The following ZNF616 variants were observed in gnomAD, a reference collection of about 807,000 sequenced individuals.
The protein encoded by ZNF616 is zinc finger protein 616.
A neutral mutation model predicts 7.6 loss-of-function variants in ZNF616; 5 were observed. The ratio of observed to expected loss-of-function variants is 0.66; its 90% CI spans 0.34 to 1.38. ZNF616 has a LOEUF of 1.38. Among genes scored for constraint, ZNF616 ranks in the 40% most tolerant of loss-of-function variants. The pLI is 0.04. For synonymous variants in ZNF616, 319 were observed against 317.2 expected (o/e 1.01, Z -0.06); for missense variants, 913 against 948.3 (o/e 0.96, Z 0.49).
rs1486058017 is a variant in ZNF616 at position 52,113,971 on chromosome 19, T to C, written c.*847A>G. Reference sequence around the variant, plus strand: ...TACTCTTTCCATTTTGATGTTCGGGTAAAAACCTTAGCATGCACATTACAT... The same window carrying C: ...TACTCTTTCCATTTTGATGTTCGGGCAAAAACCTTAGCATGCACATTACAT... On this transcript the variant is annotated 3_prime_UTR_variant, in exon 4 of 4. Coordinates refer to ENST00000600228, the MANE Select transcript of ZNF616 (RefSeq NM_178523.5). 6.6e-6 allele frequency: 1 copy of C among 152,174 alleles called. No individual in the cohort carries two copies. Among genetic ancestry groups the C allele is most frequent in the Non-Finnish European group, 1.5e-5 (1 of 68,032 alleles). 9.4% of individuals were successfully genotyped at this position (152,174 alleles called of 1,614,324 possible). A position where few individuals can be genotyped will look rare whatever the true frequency, so the allele number is the denominator to read the frequency against.
Position 52,123,917 on chromosome 19 carries a change from A to C in ZNF616, c.139+6T>G. 6.2e-7 allele frequency: 1 copy of C among 1,613,652 alleles called. No homozygotes were observed. Among genetic ancestry groups the C allele is most frequent in the African/African-American group, 1.3e-5 (1 of 75,032 alleles). On this transcript the variant is annotated splice_donor_region_variant and intron_variant, in intron 3 of 3. Coordinates refer to ENST00000600228, the MANE Select transcript of ZNF616 (RefSeq NM_178523.5). ...ATCTGAACTTCTAGAAGGAAATTAT[A>C]CTCACCTAGGAAGACCAGGTTCCTA...
At chr19:52,131,600 C>T (rs1442055484) in intron 1 of ZNF616, among the ~76,000 whole-genome samples, 3 of 152,152 alleles carry the variant, frequency 2.0e-5, no homozygotes, top group Non-Finnish European at 4.4e-5. Context: ...TCAGACAACA[C>T]CTCATTCTTA....
intron 2 of ZNF616, among the ~76,000 whole-genome samples, chr19:52,127,285 C>A (rs1008109691): frequency 3.9e-5 from 6 of 152,178 alleles, no homozygotes; most frequent in African/African-American, 7.2e-5. Flanking sequence ...GAACTCCTGA[C>A]CTCAGGTGAT....
chr19:52,125,842 G>A (rs8107997), intron 2 of ZNF616, among the ~76,000 whole-genome samples: 3,061 of 152,226 alleles, frequency 0.02, 113 homozygotes, highest in African/African-American at 0.07. Context: ...GACGTAAACC[G>A]GTGTCTGCAA....
chr19:52,116,212 C>CTGA lies in ZNF616; in HGVS notation c.951_952insTCA (p.Thr317_Val318insSer). ...TTGAAGGGTCTCTCTCCAGTATGAACTGTCTGATGAAGTCTAAGATGGACA... is the reference window on the plus strand; with the variant it reads ...TTGAAGGGTCTCTCTCCAGTATGAACTGATGTCTGATGAAGTCTAAGATGGACA... On this transcript the variant is annotated inframe_insertion, in exon 4 of 4. Transcript: ENST00000600228. 6.2e-7 allele frequency: 1 copy of CTGA among 1,613,984 alleles called. No individual in the cohort carries two copies. The highest frequency in any genetic ancestry group is 8.5e-7 in the Non-Finnish European group (1 of 1,179,990).
intron 2 of ZNF616, among the ~76,000 whole-genome samples, chr19:52,127,789 T>C (rs1160546278): frequency 6.6e-6 from 1 of 152,180 alleles, no homozygotes; most frequent in Non-Finnish European, 1.5e-5. Flanking sequence ...CATTTAGAGA[T>C]TGTTCCAAAG....
chr19:52,122,866 C>T (rs974362649), intron 3 of ZNF616, among the ~76,000 whole-genome samples: 3 of 152,020 alleles, frequency 2.0e-5, no homozygotes, highest in Non-Finnish European at 4.4e-5. Flanking sequence ...GATCTCCTGA[C>T]CTCGTGATCC....
chr19:52,131,200 G>A (rs955932349), intron 1 of ZNF616, among the ~76,000 whole-genome samples: 2 of 149,962 alleles, frequency 1.3e-5, no homozygotes, highest in African/African-American at 2.5e-5. Context: ...CCTGGGAGGC[G>A]GAGGTTGCAG....
intron 3 of ZNF616, among the ~76,000 whole-genome samples, chr19:52,122,779 C>T (rs536185756): frequency 2.0e-5 from 3 of 151,822 alleles, no homozygotes; most frequent in South Asian, 4.2e-4. Context: ...GGACTACAGG[C>T]GCCCACCGCC....
At chr19:52,131,737 G>A (rs977979253) in intron 1 of ZNF616, among the ~76,000 whole-genome samples, 3 of 152,206 alleles carry the variant, frequency 2.0e-5, no homozygotes, top group African/African-American at 7.2e-5. Context: ...TCTTTGGGTT[G>A]CCATTTTCCC....
At chr19:52,131,073 G>T (rs998350915) in intron 1 of ZNF616, among the ~76,000 whole-genome samples, 2 of 152,036 alleles carry the variant, frequency 1.3e-5, no homozygotes, top group African/African-American at 4.8e-5. Flanking sequence ...TTCGAGACCA[G>T]CCTGGCCAAC....
chr19:52,130,889 C>G (rs909130602), intron 1 of ZNF616, among the ~76,000 whole-genome samples: 4 of 152,222 alleles, frequency 2.6e-5, no homozygotes, highest in Non-Finnish European at 5.9e-5. Flanking sequence ...GCACAGCCCC[C>G]CGTCACCTCT....
At position 52,130,538 on chromosome 19, in the gene ZNF616, TTCC is replaced by T. The variant is rs1431116659; in HGVS notation, c.-29_-27del. ...CACTGACTCCTTTTCCTTCCTCTTC[TTCC>T]TCTTCTGGGTTTCTTTCTCAGTCAA... On this transcript the variant is annotated 5_prime_UTR_variant, in exon 2 of 4. Coordinates refer to ENST00000600228, the MANE Select transcript of ZNF616 (RefSeq NM_178523.5). 3.1e-6 allele frequency: 5 copies of T among 1,603,812 alleles called. No individual in the cohort carries two copies. The South Asian group carries it at 5.6e-5, about 18-fold the overall frequency.
intron 1 of ZNF616, 101 bp from the exon 2 acceptor site, chr19:52,130,689 G>T: frequency 1.3e-6 from 1 of 771,766 alleles, no homozygotes; most frequent in East Asian, 2.6e-5. Flanking sequence ...TGGAGAGACA[G>T]CCCACTGCAC....
At chr19:52,118,927 G>GT (rs1189673735) in intron 3 of ZNF616, among the ~76,000 whole-genome samples, 1 of 152,054 alleles carries the variant, frequency 6.6e-6, no homozygotes, top group South Asian at 2.1e-4. Flanking sequence ...ATGCACCTAC[G>GT]TTTGCAGGAT....
At chr19:52,128,874 A>G (rs565717815) in intron 2 of ZNF616, among the ~76,000 whole-genome samples, 129 of 151,946 alleles carry the variant, frequency 8.5e-4, no homozygotes, top group African/African-American at 2.9e-3. Context: ...ATTAGAGTTT[A>G]ACAAATTAAC....
At chr19:52,117,631 T>TA (rs1188960810) in intron 3 of ZNF616, among the ~76,000 whole-genome samples, 1 of 152,160 alleles carries the variant, frequency 6.6e-6, no homozygotes, top group Non-Finnish European at 1.5e-5. Context: ...TACACAAATT[T>TA]ATAGTATGGA....
At chr19:52,133,970 G>C (rs959176408) in intron 1 of ZNF616, among the ~76,000 whole-genome samples, 2 of 152,006 alleles carry the variant, frequency 1.3e-5, no homozygotes, top group Non-Finnish European at 2.9e-5. Flanking sequence ...GTGAGAATAC[G>C]CAGTATTTGG....
At chr19:52,123,171 A>T (rs1303480442) in intron 3 of ZNF616, among the ~76,000 whole-genome samples, 4 of 152,228 alleles carry the variant, frequency 2.6e-5, no homozygotes, top group Non-Finnish European at 5.9e-5. Context: ...TATCCTCAAA[A>T]ATATGGAACT....
Sources: allele counts gnomAD v4.1 joint callset (sites outside exome capture counted in the v4.1 genomes callset), GRCh38; gene constraint gnomAD v4.1.1; transcripts MANE v1.5; gene names NCBI Gene and HGNC (gene_info 2026-07-23, HGNC 2026-07-21).